ANKRD13D: variants seen among roughly 807,000 people sequenced by gnomAD.
The protein encoded by ANKRD13D is ankyrin repeat domain-containing protein 13D.
Under a neutral mutation model 68.8 loss-of-function variants are expected in ANKRD13D, and 24 were observed. The observed-to-expected ratio is 0.35, with a 90% confidence interval of 0.25 to 0.49. The LOEUF (loss-of-function observed/expected upper bound fraction) is 0.49, where lower values mean the gene tolerates loss of function less well. Among genes scored for constraint, ANKRD13D ranks in the 20% least tolerant of loss-of-function variants. The pLI is 0.99. For missense variants in ANKRD13D, 735 were observed against 832.1 expected (o/e 0.88, Z 1.44); for synonymous variants, 331 against 336.1 (o/e 0.98, Z 0.16).
chr11:67,301,192 C>A lies in ANKRD13D; in HGVS notation c.1231+45C>A, dbSNP rs748649183. ...CAGCGGGAGGACCTCAGGCATGGCA[C>A]CCTCCCTCAGCGCAGTCCCTGGAGA... On this transcript the variant is annotated intron_variant, in intron 11 of 14. Coordinates refer to ENST00000511455, the MANE Select transcript of ANKRD13D (RefSeq NM_207354.3). The surrounding 1 kb of genome is among the most constrained non-coding windows in gnomAD (Gnocchi z 4.5). 6.2e-7 allele frequency: 1 copy of A among 1,604,694 alleles called. No individual in the cohort carries two copies. Among genetic ancestry groups the A allele is most frequent in the Admixed American group, 1.7e-5 (1 of 59,544 alleles).
chr11:67,295,137 G>T (rs1333848947), intron 6 of ANKRD13D, among the ~76,000 whole-genome samples: 3 of 152,210 alleles, frequency 2.0e-5, no homozygotes, highest in African/African-American at 7.2e-5. Context: ...GTTGTTAGAG[G>T]CTGGATGCGG....
intron 6 of ANKRD13D, chr11:67,298,295 C>G (rs1178522211): frequency 6.6e-6 from 1 of 152,180 alleles, no homozygotes; most frequent in Non-Finnish European, 1.5e-5. Context: ...ATCTCCTGAC[C>G]TCATGATCCA....
chr11:67,299,563 C>G lies in ANKRD13D; in HGVS notation c.832C>G (p.Arg278Gly). The change falls in exon 8 of 15, where the codon CGC (arginine) becomes GGC (glycine). Residue 278 changes from arginine (R) to glycine (G), a missense_variant. By Grantham distance (125) the Arg-to-Gly change is moderately radical. Coordinates refer to ENST00000511455, the MANE Select transcript of ANKRD13D (RefSeq NM_207354.3). This position sits in a 1 kb window ranked among gnomAD's most constrained non-coding sequence, Gnocchi z 6.2. The part of the protein sequence containing the change: ...YSATNVELVT[R>G]TRTEHLSDQD... The stretch of plus-strand genomic sequence containing the variant: ...TGCCACCAACGTGGAGCTGGTGACA[C>G]GCACACGCACGGAGCACCTCTCTGA... 1.3e-6 allele frequency: 2 copies of G among 1,551,120 alleles called. No individual in the cohort carries two copies. Among genetic ancestry groups the G allele is most frequent in the Non-Finnish European group, 1.7e-6 (2 of 1,146,952 alleles).
chr11:67,300,516 C>A lies in ANKRD13D; in HGVS notation c.1073+393C>A. The A allele has an allele frequency of 3.1e-6, 1 of 325,834 alleles. No individual in the cohort carries two copies. Among genetic ancestry groups the A allele is most frequent in the Non-Finnish European group, 5.7e-6 (1 of 176,310 alleles). 20.2% of individuals were successfully genotyped at this position (325,834 alleles called of 1,614,324 possible). On this transcript the variant is annotated intron_variant, in intron 10 of 14. Coordinates refer to ENST00000511455, the MANE Select transcript of ANKRD13D (RefSeq NM_207354.3). The surrounding 1 kb of genome is among the most constrained non-coding windows in gnomAD (Gnocchi z 4.3). ...CTTGAGCAGGTATAGGCGGTAACAG[C>A]AGGCACAGTGCCTGCACAAGCCTAG...
Position 67,291,663 on chromosome 11 carries a change from G to T in ANKRD13D, c.458G>T (p.Ser153Ile). Residue 153 changes from serine to isoleucine, a missense_variant, in exon 5 of 15, where the codon AGC becomes ATC. Ser to Ile is a moderately radical substitution (Grantham distance 142). Transcript: ENST00000511455. ...DVYRVWKRGE[S>I]LRVDTSLLGF... ...TACCGCGTGTGGAAGCGGGGTGAGA[G>T]CCTGCGAGTAGACACCAGTCTCCTG... 6.2e-7 allele frequency: 1 copy of T among 1,614,120 alleles called. No individual in the cohort carries two copies. The highest frequency in any genetic ancestry group is 8.5e-7 in the Non-Finnish European group (1 of 1,180,044).
At position 67,289,454 on chromosome 11, in the gene ANKRD13D, G is replaced by A. The variant is rs1860435819; in HGVS notation, c.-7G>A. The A allele has an allele frequency of 6.7e-7, 1 of 1,483,072 alleles. No individual in the cohort carries two copies. Among genetic ancestry groups the A allele is most frequent in the Non-Finnish European group, 8.9e-7 (1 of 1,124,144 alleles). 91.9% of individuals were successfully genotyped at this position (1,483,072 alleles called of 1,614,324 possible). ...GGCGGGGCCGGGATGCGGCGCTGAG[G>A]CCCAGCATGGCCGGCCCGGGCCCCA... is the stretch of plus-strand genomic sequence containing the variant. On this transcript the variant is annotated 5_prime_UTR_variant, in exon 1 of 15. Coordinates refer to ENST00000511455, the MANE Select transcript of ANKRD13D (RefSeq NM_207354.3).
chr11:67,291,890 C>T (rs1194402105), intron 5 of ANKRD13D, 101 bp from the exon 6 acceptor site: 1 of 1,500,966 alleles, frequency 6.7e-7, no homozygotes, highest in Non-Finnish European at 8.9e-7. Context: ...AAGACTGACC[C>T]ACTTGGCAGC....
chr11:67,292,118 C>T lies in ANKRD13D; in HGVS notation c.669C>T (p.Ala223=). Residue 223 remains alanine, a synonymous_variant, in exon 6 of 15, where the codon GCC becomes GCT. Transcript: ENST00000511455. ...TGCGGCCCAGCGAGGAGCATGTGGC[C>T]AGTCGCCTCACCTCTCCTATCGTCT... is the stretch of plus-strand genomic sequence containing the variant. The part of the protein sequence containing the change: ...AAMRPSEEHV[A]SRLTSPIVST... 5 of 1,612,442 alleles carry T rather than the reference C, an allele frequency of 3.1e-6. No homozygotes were observed. The highest frequency in any genetic ancestry group is 4.2e-6 in the Non-Finnish European group (5 of 1,178,768).
Position 67,300,526 on chromosome 11 carries a change from G to T in ANKRD13D, c.1073+403G>T. ...TATAGGCGGTAACAGCAGGCACAGTGCCTGCACAAGCCTAGCGCTCTCCCC... is the reference window on the plus strand; with the variant it reads ...TATAGGCGGTAACAGCAGGCACAGTTCCTGCACAAGCCTAGCGCTCTCCCC... On this transcript the variant is annotated intron_variant, in intron 10 of 14. Transcript: ENST00000511455. This position sits in a 1 kb window ranked among gnomAD's most constrained non-coding sequence, Gnocchi z 4.3. 3.0e-6 allele frequency: 1 copy of T among 328,980 alleles called. No individual in the cohort carries two copies. The highest frequency in any genetic ancestry group is 5.5e-5 in the South Asian group (1 of 18,030). The allele number at this position is 328,980 out of a possible 1,614,324, so 20.4% of individuals were successfully genotyped here. A position where few individuals can be genotyped will look rare whatever the true frequency, so the allele number is the denominator to read the frequency against.
At position 67,300,472 on chromosome 11, in the gene ANKRD13D, C is replaced by T. The variant is rs117453503; in HGVS notation, c.1073+349C>T. 2.0e-5 allele frequency: 7 copies of T among 345,804 alleles called. No homozygotes were observed. In the East Asian group the frequency reaches 3.9e-4, roughly 19 times the overall value. The allele number at this position is 345,804 out of a possible 1,614,324, so 21.4% of individuals were successfully genotyped here. On this transcript the variant is annotated intron_variant, in intron 10 of 14. Coordinates refer to ENST00000511455, the MANE Select transcript of ANKRD13D (RefSeq NM_207354.3). This position sits in a 1 kb window ranked among gnomAD's most constrained non-coding sequence, Gnocchi z 4.3. ...GCCTTGGTGGAACAGAACAGTTACG[C>T]TCTTGCCTCGTGAGGAGCCTTGAGC...
At chr11:67,291,370 A>G (rs1860535427) in intron 3 of ANKRD13D, 106 bp from the exon 4 acceptor site, 1 of 1,174,262 alleles carries the variant, frequency 8.5e-7, no homozygotes, top group Admixed American at 2.8e-5. Flanking sequence ...AAAAAAAAAA[A>G]AAAAAGACCT....
rs779208652 is a variant in ANKRD13D at position 67,299,810 on chromosome 11, C to T, written c.881-17C>T. On this transcript the variant is annotated splice_polypyrimidine_tract_variant and intron_variant, in intron 8 of 14. Coordinates refer to ENST00000511455, the MANE Select transcript of ANKRD13D (RefSeq NM_207354.3). The surrounding 1 kb of genome is among the most constrained non-coding windows in gnomAD (Gnocchi z 6.2). ...GAGCATTGTGACCCCTTACCAGCTC[C>T]CACCCCTTCTCCGTAGCGGGGAAGA... The T allele has an allele frequency of 2.0e-5, 30 of 1,532,470 alleles. No individual in the cohort carries two copies. The South Asian group carries it at 3.4e-4, about 18-fold the overall frequency. The allele number at this position is 1,532,470 out of a possible 1,614,324, so 94.9% of individuals were successfully genotyped here.
intron 6 of ANKRD13D, among the ~76,000 whole-genome samples, chr11:67,293,408 G>C (rs1860653828): frequency 6.6e-6 from 1 of 152,204 alleles, no homozygotes; most frequent in South Asian, 2.1e-4. Flanking sequence ...GATGACTAAT[G>C]ATGTTGAGCA....
chr11:67,296,744 C>T (rs957783275), intron 6 of ANKRD13D, among the ~76,000 whole-genome samples: 26 of 152,066 alleles, frequency 1.7e-4, no homozygotes, highest in Admixed American at 1.7e-3. Flanking sequence ...ATTCTTCAAC[C>T]TCCCAAGTAG....
rs1565074630 is a variant in ANKRD13D at position 67,290,181 on chromosome 11, A to ACAC, written c.195_196insACC (p.Asn65_Val66insThr). 6.5e-7 allele frequency: 1 copy of ACAC among 1,537,604 alleles called. No homozygotes were observed. The highest frequency in any genetic ancestry group is 8.7e-7 in the Non-Finnish European group (1 of 1,146,892). ...AGAGTGCTCCTTCGACACAATGCCAACGTGGGCAAAGAGAACCGCCAGGGC... is the reference window on the plus strand; with the variant it reads ...AGAGTGCTCCTTCGACACAATGCCAACACCGTGGGCAAAGAGAACCGCCAGGGC... On this transcript the variant is annotated inframe_insertion, in exon 2 of 15. Coordinates refer to ENST00000511455, the MANE Select transcript of ANKRD13D (RefSeq NM_207354.3).
In ANKRD13D at chr11:67,290,019, C is replaced by T. The variant is rs370552873; in HGVS notation, c.91-59C>T. 6.9e-4 allele frequency: 1,031 copies of T among 1,499,012 alleles called. 5 individuals carry two copies. The African/African-American group carries it at 0.013, about 18-fold the overall frequency. 92.9% of individuals were successfully genotyped at this position (1,499,012 alleles called of 1,614,324 possible). ...CGATTCCCAACCCTGCTCGCCCTGG[C>T]AGCCTCCCTGCCTTGCCCTCTTCTC... On this transcript the variant is annotated intron_variant, in intron 1 of 14. Coordinates refer to ENST00000511455, the MANE Select transcript of ANKRD13D (RefSeq NM_207354.3).
At position 67,301,138 on chromosome 11, in the gene ANKRD13D, G is replaced by C; in HGVS notation, c.1222G>C (p.Val408Leu). ...TCTGCGCCTTCCACCTGGCTTCCCC[G>C]TCAAAATTGGTGAGAGGCTGGGCAC... ...ITLRLPPGFP[V>L]KIEIPLFHVL... The change falls in exon 11 of 15, where the codon GTC (valine) becomes CTC (leucine). Residue 408 changes from valine (V) to leucine (L), a missense_variant. Transcript: ENST00000511455. The surrounding 1 kb of genome is among the most constrained non-coding windows in gnomAD (Gnocchi z 4.5). The C allele has an allele frequency of 6.2e-7, 1 of 1,613,522 alleles. No homozygotes were observed. The highest frequency in any genetic ancestry group is 8.5e-7 in the Non-Finnish European group (1 of 1,179,724).
At chr11:67,291,241 C>T in intron 3 of ANKRD13D, 1 of 528,712 alleles carries the variant, frequency 1.9e-6, no homozygotes, top group Non-Finnish European at 3.3e-6. Context: ...CCTGTGGTCC[C>T]AGCTACTCGG....
At chr11:67,291,233 T>C in intron 3 of ANKRD13D, 1 of 513,932 alleles carries the variant, frequency 1.9e-6, no homozygotes, top group Non-Finnish European at 3.4e-6. Context: ...GGCACACACC[T>C]GTGGTCCCAG....
Sources: allele counts gnomAD v4.1 joint callset (sites outside exome capture counted in the v4.1 genomes callset), GRCh38; gene constraint gnomAD v4.1.1; non-coding constraint Gnocchi (gnomAD v3.1); transcripts MANE v1.5; gene names NCBI Gene and HGNC (gene_info 2026-07-23, HGNC 2026-07-21).